The following DOCK1 variants were observed in gnomAD, a reference collection of about 807,000 sequenced individuals.
The protein encoded by DOCK1 is dedicator of cytokinesis protein 1.
DOCK1 carries 138 observed loss-of-function variants against 262.7 expected under a neutral mutation model. That is an observed-to-expected ratio of 0.53 (90% CI 0.46 to 0.61). DOCK1 has a LOEUF of 0.61. Ranked by LOEUF, DOCK1 falls within the 20% of genes least tolerant of loss-of-function variation. The pLI, the probability that DOCK1 is intolerant of heterozygous loss-of-function variation, is 0.00. For missense variants in DOCK1, 1,908 were observed against 2,370.7 expected (o/e 0.80, Z 4.05); for synonymous variants, 866 against 867.4 (o/e 1.00, Z 0.03).
chr10:127,183,854 C>A (rs2055967066), intron 27 of DOCK1, among the ~76,000 whole-genome samples: 1 of 152,108 alleles, frequency 6.6e-6, no homozygotes, highest in Non-Finnish European at 1.5e-5. Flanking sequence ...TGTTACTCTG[C>A]CAGGTTAGTT....
chr10:127,091,944 G>A (rs186718381), intron 23 of DOCK1, among the ~76,000 whole-genome samples: 43 of 152,266 alleles, frequency 2.8e-4, no homozygotes, highest in African/African-American at 9.1e-4. Flanking sequence ...CCTGAGGGCC[G>A]GGATGAATTT....
chr10:127,388,198 T>C (rs1483491344), intron 38 of DOCK1, among the ~76,000 whole-genome samples: 1 of 152,214 alleles, frequency 6.6e-6, no homozygotes, highest in Non-Finnish European at 1.5e-5. Flanking sequence ...CAGATGTCCC[T>C]GTGTTTTGGT....
chr10:126,911,311 TGCTGCTGCGGTACAGG>T (rs2031723770), intron 1 of DOCK1, among the ~76,000 whole-genome samples: 2 of 152,208 alleles, frequency 1.3e-5, no homozygotes, highest in African/African-American at 4.8e-5. Context: ...CAGCTCCCTG[TGCTGCTGCGGTACAGG>T]AGAAGGCAGC....
intron 38 of DOCK1, 81 bp downstream of exon 38, chr10:127,384,990 G>T: frequency 7.2e-7 from 1 of 1,379,908 alleles, no homozygotes. Context: ...TTTTTAGCGT[G>T]TGATTTTTGC....
At position 126,952,655 on chromosome 10, in the gene DOCK1, A is replaced by C. The variant is rs912631769; in HGVS notation, c.47-18047A>C. 4.6e-3 allele frequency among the ~76,000 whole-genome samples: 183 copies of C among 39,408 alleles called. 4 individuals carry two copies. Among genetic ancestry groups the C allele is most frequent in the African/African-American group, 0.018 (170 of 9,644 alleles). 25.9% of individuals were successfully genotyped at this position (39,408 alleles called of 152,430 possible). A position where few individuals can be genotyped will look rare whatever the true frequency, so the allele number is the denominator to read the frequency against. On this transcript the variant is annotated intron_variant, in intron 1 of 51. Transcript: ENST00000623213. The stretch of plus-strand genomic sequence containing the variant: ...TGTAGTATTGTTGGTAGTGTTGGTG[A>C]TGTTGTTATTGGTAGTATTGTTGTT...
chr10:127,060,607 A>T (rs1269165191), intron 22 of DOCK1, among the ~76,000 whole-genome samples: 1 of 152,258 alleles, frequency 6.6e-6, no homozygotes, highest in Non-Finnish European at 1.5e-5. Context: ...ATATTTTAAA[A>T]TGCAAATGTG....
rs946209575 is a variant in DOCK1 at position 127,437,662 on chromosome 10, C to T, written c.5061-1365C>T. On this transcript the variant is annotated intron_variant, in intron 48 of 51. Coordinates refer to ENST00000623213, the MANE Select transcript of DOCK1 (RefSeq NM_001290223.2). The surrounding 1 kb of genome is among the most constrained non-coding windows in gnomAD (Gnocchi z 4.4). The stretch of plus-strand genomic sequence containing the variant: ...CCCAGCTAATTTTTGTACGTTTTAT[C>T]GAGACTGGATCTTGCCATGTTGGCC... 2.0e-5 allele frequency among the ~76,000 whole-genome samples: 3 copies of T among 151,984 alleles called. No homozygotes were observed. The highest frequency in any genetic ancestry group is 1.9e-4 in the East Asian group (1 of 5,166).
intron 12 of DOCK1, among the ~76,000 whole-genome samples, chr10:127,018,417 C>T (rs1487695872): frequency 6.6e-6 from 1 of 152,194 alleles, no homozygotes; most frequent in Admixed American, 6.5e-5. Context: ...TCAAAAGAGA[C>T]ATTGGTCCTT....
intron 1 of DOCK1, among the ~76,000 whole-genome samples, chr10:126,936,980 A>G: frequency 6.6e-6 from 1 of 152,176 alleles, no homozygotes; most frequent in East Asian, 1.9e-4. Context: ...GGCAGCCACC[A>G]TTCTAGGAAC....
rs1043722414 is a variant in DOCK1 at position 126,934,102 on chromosome 10, C to A, written c.46+28539C>A. ...AAAGTGCTGGGATTACATGTGTTAT[C>A]CACTGCACCCAACCTATTTTACTCT... is the stretch of plus-strand genomic sequence containing the variant. On this transcript the variant is annotated intron_variant, in intron 1 of 51. Transcript: ENST00000623213. Among the ~76,000 whole-genome samples, 680 of 152,264 alleles carry A rather than the reference C, an allele frequency of 4.5e-3. 5 individuals are homozygous for A. Among genetic ancestry groups the A allele is most frequent in the African/African-American group, 0.016 (645 of 41,564 alleles).
At chr10:127,231,132 A>G (rs1357126543) in intron 27 of DOCK1, among the ~76,000 whole-genome samples, 1 of 152,122 alleles carries the variant, frequency 6.6e-6, no homozygotes, top group African/African-American at 2.4e-5. Flanking sequence ...TTTTTGTTTT[A>G]AGACTCATCT....
chr10:127,419,958 A>C (rs1171402382), intron 46 of DOCK1, among the ~76,000 whole-genome samples: 1 of 152,350 alleles, frequency 6.6e-6, no homozygotes, highest in African/African-American at 2.4e-5. Context: ...CCAGAAAATT[A>C]TCTCTTGCAA....
At chr10:127,388,832 AG>A (rs1364098016) in intron 38 of DOCK1, among the ~76,000 whole-genome samples, 1 of 151,564 alleles carries the variant, frequency 6.6e-6, no homozygotes, top group Admixed American at 6.6e-5. Flanking sequence ...GGTGAGTGTG[AG>A]CGGCACCCAC....
intron 29 of DOCK1, among the ~76,000 whole-genome samples, chr10:127,311,992 GT>G (rs924654751): frequency 2.6e-5 from 4 of 152,038 alleles, no homozygotes; most frequent in African/African-American, 9.7e-5. Flanking sequence ...AGCCTCCTGA[GT>G]AGCTGGGATT....
At position 127,175,305 on chromosome 10, in the gene DOCK1, A is replaced by G; in HGVS notation, c.2847+47541A>G. 1.9e-6 allele frequency: 3 copies of G among 1,614,094 alleles called. No homozygotes were observed. Among genetic ancestry groups the G allele is most frequent in the South Asian group, 1.1e-5 (1 of 91,068 alleles). On this transcript the variant is annotated intron_variant, in intron 27 of 51. Transcript: ENST00000623213. This position sits in a 1 kb window ranked among gnomAD's most constrained non-coding sequence, Gnocchi z 6.3. ...GCTTGAACTGATCAAGTTCTCCATC[A>G]TCTGAAGTTGTGCTTTGAGGTCGAC... is the stretch of plus-strand genomic sequence containing the variant.
intron 11 of DOCK1, among the ~76,000 whole-genome samples, chr10:127,011,339 A>G (rs2041425496): frequency 1.3e-5 from 2 of 152,194 alleles, no homozygotes; most frequent in African/African-American, 4.8e-5. Flanking sequence ...AAGGAAGCAC[A>G]TTGCACATCT....
At chr10:127,000,606 G>A (rs1565048713) in intron 10 of DOCK1, 2 of 311,570 alleles carry the variant, frequency 6.4e-6, no homozygotes, top group South Asian at 5.4e-5. Flanking sequence ...GCCAGTCAGT[G>A]GAGGTTTTCA....
intron 1 of DOCK1, among the ~76,000 whole-genome samples, chr10:126,952,759 T>G (rs1177044123): frequency 9.9e-5 from 15 of 151,788 alleles, no homozygotes; most frequent in African/African-American, 3.4e-4. Flanking sequence ...GGTGGTAGTA[T>G]TGTTGGTGAT....
intron 27 of DOCK1, among the ~76,000 whole-genome samples, chr10:127,241,587 A>T (rs1415410495): frequency 6.6e-6 from 1 of 152,026 alleles, no homozygotes; most frequent in African/African-American, 2.4e-5. Context: ...CATGCTTAGT[A>T]TTAGTGCTTA....
Sources: allele counts gnomAD v4.1 joint callset (sites outside exome capture counted in the v4.1 genomes callset), GRCh38; gene constraint gnomAD v4.1.1; non-coding constraint Gnocchi (gnomAD v3.1); transcripts MANE v1.5; gene names NCBI Gene and HGNC (gene_info 2026-07-23, HGNC 2026-07-21).